The following RIMBP2 variants were observed in gnomAD, a reference collection of about 807,000 sequenced individuals.
RIMBP2 encodes the protein RIMS-binding protein 2.
A neutral mutation model predicts 118.6 loss-of-function variants in RIMBP2; 48 were observed. The ratio of observed to expected loss-of-function variants is 0.40; its 90% CI spans 0.32 to 0.51. The LOEUF (loss-of-function observed/expected upper bound fraction) is 0.51, where lower values mean the gene tolerates loss of function less well. Ranked by LOEUF, RIMBP2 falls within the 20% of genes least tolerant of loss-of-function variation. The pLI is 0.41. For missense variants in RIMBP2, 1,551 were observed against 1,768.3 expected, an observed-to-expected ratio of 0.88 and a Z score of 2.20; for synonymous variants, 762 against 742.9, an observed-to-expected ratio of 1.03 and a Z score of -0.42.
At chr12:130,397,885 G>C (rs982268765) in intron 22 of RIMBP2, 4 of 182,808 alleles carry the variant, frequency 2.2e-5, no homozygotes, top group Non-Finnish European at 3.4e-5. Flanking sequence ...AGTAAAGTTG[G>C]CCGAGTACCC....
chr12:130,462,266 G>T (rs551827845), intron 6 of RIMBP2, among the ~76,000 whole-genome samples: 1 of 152,292 alleles, frequency 6.6e-6, no homozygotes, highest in East Asian at 1.9e-4. Context: ...CCCTCTGCAT[G>T]CCTACATCCA....
intron 21 of RIMBP2, 74 bp downstream of exon 21, chr12:130,406,098 T>C (rs1593181732): frequency 3.1e-6 from 3 of 972,872 alleles, no homozygotes; most frequent in South Asian, 1.4e-5. Context: ...AGGAACGGAC[T>C]AGCAAAACAA....
intron 2 of RIMBP2, among the ~76,000 whole-genome samples, chr12:130,563,307 C>T (rs1449663662): frequency 1.3e-5 from 2 of 152,204 alleles, no homozygotes; most frequent in Non-Finnish European, 2.9e-5. Flanking sequence ...CTCAACAAGA[C>T]ACCTGGTGGC....
intron 2 of RIMBP2, among the ~76,000 whole-genome samples, chr12:130,555,242 G>A (rs1301174318): frequency 1.3e-5 from 2 of 152,162 alleles, no homozygotes; most frequent in East Asian, 1.9e-4. Flanking sequence ...AACAGCTTAT[G>A]TTGAACAATC....
intron 19 of RIMBP2, among the ~76,000 whole-genome samples, chr12:130,409,520 T>A (rs1023467838): frequency 1.3e-5 from 2 of 151,862 alleles, no homozygotes; most frequent in African/African-American, 4.8e-5. Context: ...TTTTTTTGTA[T>A]TTTTTTGTAT....
chr12:130,574,194 C>T lies in RIMBP2; in HGVS notation c.-217+54128G>A, dbSNP rs370550668. 3.8e-3 allele frequency among the ~76,000 whole-genome samples: 575 copies of T among 152,238 alleles called. 8 individuals carry two copies. Among genetic ancestry groups the T allele is most frequent in the African/African-American group, 0.013 (543 of 41,532 alleles). On this transcript the variant is annotated intron_variant, in intron 2 of 22. Transcript: ENST00000690449. ...TCAAAATAAAACCTTGTCATAAACA[C>T]TATTTTGTTTCTGGCTGGAGCTAAA...
chr12:130,521,249 T>C (rs963430201), intron 2 of RIMBP2, among the ~76,000 whole-genome samples: 4 of 152,174 alleles, frequency 2.6e-5, no homozygotes, highest in Admixed American at 6.5e-5. Flanking sequence ...TCAGCACCAC[T>C]GAAGAAATTT....
rs757568948 is a variant in RIMBP2, at chr12:130,451,283, G to A, written c.416C>T (p.Pro139Leu). Residue 139 changes from proline to leucine, a missense_variant, in exon 8 of 23, where the codon CCG (proline) becomes CTG (leucine). By Grantham distance (98) the Pro-to-Leu change is moderately conservative. Coordinates refer to ENST00000690449, the MANE Select transcript of RIMBP2 (RefSeq NM_001393629.1). ...SAIGEYIRPL[P>L]QPGDRPEPLS... ...AGGCTCCGGCCTGTCACCAGGCTGC[G>A]GAAGGGGCCGGATATATTCACCGAT... The A allele has an allele frequency of 1.7e-5, 27 of 1,614,054 alleles. No homozygotes were observed. The highest frequency in any genetic ancestry group is 2.2e-5 in the South Asian group (2 of 91,082).
intron 2 of RIMBP2, among the ~76,000 whole-genome samples, chr12:130,552,115 G>C (rs989500247): frequency 6.6e-6 from 1 of 152,198 alleles, no homozygotes; most frequent in African/African-American, 2.4e-5. Context: ...ATGATGCTAA[G>C]GCATGGCAGA....
At chr12:130,598,693 A>G (rs967179926) in intron 2 of RIMBP2, among the ~76,000 whole-genome samples, 1 of 151,620 alleles carries the variant, frequency 6.6e-6, no homozygotes, top group African/African-American at 2.4e-5. Flanking sequence ...ATGCCACTGC[A>G]CTCCAGCCTG....
chr12:130,448,995 G>GA (rs1227709185), intron 9 of RIMBP2, among the ~76,000 whole-genome samples: 1 of 152,252 alleles, frequency 6.6e-6, no homozygotes, highest in Non-Finnish European at 1.5e-5. Flanking sequence ...TCCTTTGCAT[G>GA]AACAGAGTTT....
chr12:130,423,415 G>A (rs2076543518), intron 16 of RIMBP2, among the ~76,000 whole-genome samples: 1 of 152,308 alleles, frequency 6.6e-6, no homozygotes, highest in African/African-American at 2.4e-5. Flanking sequence ...AAGGCCTGGC[G>A]CCATGTGGAT....
At chr12:130,662,473 T>C (rs1247878596) in intron 1 of RIMBP2, among the ~76,000 whole-genome samples, 1 of 152,096 alleles carries the variant, frequency 6.6e-6, no homozygotes, top group East Asian at 1.9e-4. Context: ...CTGGCCAACA[T>C]GGTGAAACCC....
At chr12:130,535,736 T>TATATATAC (rs1284822948) in intron 2 of RIMBP2, among the ~76,000 whole-genome samples, 23 of 17,914 alleles carry the variant, frequency 1.3e-3, no homozygotes, top group Admixed American at 6.9e-3. Flanking sequence ...TACATATATA[T>TATATATAC]ACATATATAT....
chr12:130,441,442 A>AT (rs2078128492), intron 11 of RIMBP2, among the ~76,000 whole-genome samples: 3 of 141,390 alleles, frequency 2.1e-5, no homozygotes, highest in African/African-American at 7.8e-5. Context: ...AATAATAATA[A>AT]TAATAATTTA....
chr12:130,503,440 T>C (rs2050001198), intron 4 of RIMBP2, among the ~76,000 whole-genome samples: 3 of 151,902 alleles, frequency 2.0e-5, no homozygotes, highest in Non-Finnish European at 4.4e-5. Flanking sequence ...GAACTCTTCT[T>C]GAGTTCTTCC....
chr12:130,607,057 C>A (rs916694076), intron 2 of RIMBP2, among the ~76,000 whole-genome samples: 3 of 152,010 alleles, frequency 2.0e-5, no homozygotes, highest in African/African-American at 7.3e-5. Flanking sequence ...GTCTCGAACT[C>A]CTGACCTCGT....
chr12:130,496,335 A>G (rs905013597), intron 4 of RIMBP2, among the ~76,000 whole-genome samples: 3 of 152,028 alleles, frequency 2.0e-5, no homozygotes, highest in Non-Finnish European at 1.5e-5. Context: ...TTCACCTACC[A>G]CCATGATTGT....
intron 2 of RIMBP2, among the ~76,000 whole-genome samples, chr12:130,564,991 C>T (rs1180921944): frequency 6.6e-6 from 1 of 152,200 alleles, no homozygotes; most frequent in East Asian, 1.9e-4. Context: ...TATGTCCAAA[C>T]TCAAACTGTA....
Sources: gnomAD v4.1 joint callset for allele counts (sites outside exome capture counted in the v4.1 genomes callset) on GRCh38, gnomAD v4.1.1 for gene constraint, MANE v1.5 for transcripts, NCBI Gene and HGNC (gene_info 2026-07-23, HGNC 2026-07-21) for gene names.